The following PEPD variants were observed in gnomAD, a reference collection of about 807,000 sequenced individuals.
PEPD encodes xaa-Pro dipeptidase.
PEPD carries 53 observed loss-of-function variants against 60.7 expected under a neutral mutation model. The observed-to-expected ratio is 0.87, with a 90% CI of 0.70 to 1.10. The LOEUF (loss-of-function observed/expected upper bound fraction) is 1.10, where lower values mean the gene tolerates loss of function less well. PEPD is among the 50% of genes least tolerant of loss of function. PEPD has a pLI of 0.00. For missense variants in PEPD, 711 were observed against 711.9 expected (o/e 1.00, Z 0.01); for synonymous variants, 267 against 284.1 (o/e 0.94, Z 0.60).
chr19:33,453,317 A>AAAAAAAATAAATAAATAAATAAAT (rs1555762504), intron 9 of PEPD, among the ~76,000 whole-genome samples: 4 of 148,754 alleles, frequency 2.7e-5, no homozygotes, highest in South Asian at 4.2e-4. Context: ...CTGTCATAAA[A>AAAAAAAATAAATAAATAAATAAAT]AAATAAATAA....
intron 1 of PEPD, among the ~76,000 whole-genome samples, chr19:33,514,119 G>A (rs1600177995): frequency 6.6e-6 from 1 of 152,208 alleles, no homozygotes; most frequent in Non-Finnish European, 1.5e-5. Context: ...GAGGCCGGGT[G>A]TGGAGAGATA....
chr19:33,511,010 G>A lies in PEPD; in HGVS notation c.329+18C>T. 6.2e-7 allele frequency: 1 copy of A among 1,609,338 alleles called. No individual in the cohort carries two copies. Among genetic ancestry groups the A allele is most frequent in the South Asian group, 1.1e-5 (1 of 90,230 alleles). ...CCATGGTTGGTAGCCATGGTGCCCTGGCCAGGCTGCTCCTTACTTTCCCAT... is the reference window on the plus strand; with the variant it reads ...CCATGGTTGGTAGCCATGGTGCCCTAGCCAGGCTGCTCCTTACTTTCCCAT... On this transcript the variant is annotated intron_variant, in intron 3 of 14. Transcript: ENST00000244137.
chr19:33,427,890 G>T (rs1482593846), intron 9 of PEPD, among the ~76,000 whole-genome samples: 1 of 152,170 alleles, frequency 6.6e-6, no homozygotes, highest in South Asian at 2.1e-4. Flanking sequence ...ATTGCTAGCA[G>T]GAATTGTGTG....
intron 3 of PEPD, among the ~76,000 whole-genome samples, chr19:33,503,911 G>A (rs998007399): frequency 6.6e-6 from 1 of 152,064 alleles, no homozygotes; most frequent in Non-Finnish European, 1.5e-5. Flanking sequence ...TTCCACTCCC[G>A]TTATGGGCCT....
intron 7 of PEPD, 63 bp downstream of exon 7, chr19:33,477,983 G>C: frequency 9.0e-7 from 1 of 1,113,346 alleles, no homozygotes; most frequent in Non-Finnish European, 1.4e-6. Flanking sequence ...AGGAACAACA[G>C]GGCATTCCAT....
At chr19:33,424,845 A>T (rs1224463779) in intron 9 of PEPD, among the ~76,000 whole-genome samples, 1 of 152,158 alleles carries the variant, frequency 6.6e-6, no homozygotes, top group East Asian at 1.9e-4. Context: ...AGAAAATGCG[A>T]ACCAGTGGAA....
At chr19:33,420,781 A>C (rs1025668443) in intron 9 of PEPD, among the ~76,000 whole-genome samples, 2 of 152,094 alleles carry the variant, frequency 1.3e-5, no homozygotes, top group African/African-American at 4.8e-5. Context: ...GAAGTGGGAC[A>C]TACATACAGA....
At chr19:33,446,302 C>T (rs1462496423) in intron 9 of PEPD, among the ~76,000 whole-genome samples, 1 of 152,128 alleles carries the variant, frequency 6.6e-6, no homozygotes, top group Non-Finnish European at 1.5e-5. Flanking sequence ...GAAGAGCTGC[C>T]AAGATAAATG....
chr19:33,412,826 A>AGGGAGACTGGCTGGGAGAGCGC (rs1383644251), intron 10 of PEPD, among the ~76,000 whole-genome samples: 17 of 152,226 alleles, frequency 1.1e-4, no homozygotes, highest in Admixed American at 6.5e-4. Context: ...GGCAGAGAGC[A>AGGGAGACTGGCTGGGAGAGCGC]GGGAGACTGG....
At chr19:33,476,434 T>C (rs1970216849) in intron 7 of PEPD, among the ~76,000 whole-genome samples, 2 of 152,110 alleles carry the variant, frequency 1.3e-5, no homozygotes, top group African/African-American at 4.8e-5. Context: ...ACCACCTAGC[T>C]ATGCGGGACA....
intron 11 of PEPD, among the ~76,000 whole-genome samples, chr19:33,406,421 G>A (rs1327184601): frequency 6.6e-6 from 1 of 152,258 alleles, no homozygotes; most frequent in Admixed American, 6.5e-5. Context: ...GGATGGGACG[G>A]CCATGCCTGT....
chr19:33,457,907 T>G (rs1289187156), intron 9 of PEPD, among the ~76,000 whole-genome samples: 1 of 152,242 alleles, frequency 6.6e-6, no homozygotes, highest in African/African-American at 2.4e-5. Context: ...AGCAAGGATT[T>G]TGCAACCTGC....
At chr19:33,441,850 C>T (rs1969485169) in intron 9 of PEPD, among the ~76,000 whole-genome samples, 1 of 152,200 alleles carries the variant, frequency 6.6e-6, no homozygotes, top group Non-Finnish European at 1.5e-5. Flanking sequence ...GGTATTTGTC[C>T]TTTTTATGGG....
chr19:33,454,990 C>T (rs555827330), intron 9 of PEPD, among the ~76,000 whole-genome samples: 3 of 152,296 alleles, frequency 2.0e-5, no homozygotes, highest in African/African-American at 7.2e-5. Flanking sequence ...CCATACTCCT[C>T]GAAAGTGTCA....
At chr19:33,505,556 C>G (rs753929194) in intron 3 of PEPD, among the ~76,000 whole-genome samples, 1 of 151,956 alleles carries the variant, frequency 6.6e-6, no homozygotes, top group Non-Finnish European at 1.5e-5. Flanking sequence ...GCCCCCGACA[C>G]CCTGCCAATC....
At chr19:33,404,450 G>A (rs929076004) in intron 11 of PEPD, among the ~76,000 whole-genome samples, 1 of 119,120 alleles carries the variant, frequency 8.4e-6, no homozygotes, top group African/African-American at 4.6e-5. Flanking sequence ...CTGAACTATC[G>A]TTTAAAAAAC....
chr19:33,498,923 GGCT>G (rs1305819310), intron 4 of PEPD, among the ~76,000 whole-genome samples: 2 of 152,202 alleles, frequency 1.3e-5, no homozygotes, highest in African/African-American at 2.4e-5. Context: ...GCCCACCCCA[GGCT>G]GCCCCTCCAG....
chr19:33,430,877 C>T (rs557866742), intron 9 of PEPD, among the ~76,000 whole-genome samples: 5 of 152,100 alleles, frequency 3.3e-5, no homozygotes, highest in Non-Finnish European at 1.5e-5. Context: ...CCGTCTGCCA[C>T]GCACACAGAG....
chr19:33,389,943 G>T (rs900003208), intron 13 of PEPD, among the ~76,000 whole-genome samples: 1 of 152,244 alleles, frequency 6.6e-6, no homozygotes, highest in African/African-American at 2.4e-5. Context: ...GCCATGTGGG[G>T]AGGGCACGAG....
Sources: allele counts gnomAD v4.1 joint callset (sites outside exome capture counted in the v4.1 genomes callset), GRCh38; gene constraint gnomAD v4.1.1; transcripts MANE v1.5; gene names NCBI Gene and HGNC (gene_info 2026-07-23, HGNC 2026-07-21).